Variants in CTNNA2 observed in about 807,000 individuals in gnomAD.
The protein encoded by CTNNA2 is catenin alpha-2.
A neutral mutation model predicts 101.0 loss-of-function variants in CTNNA2; 42 were observed. That is an observed-to-expected ratio of 0.42 (90% CI 0.32 to 0.54). The LOEUF (loss-of-function observed/expected upper bound fraction) is 0.54. Among genes scored for constraint, CTNNA2 ranks in the 20% least tolerant of loss-of-function variants. The pLI, the probability that CTNNA2 is intolerant of heterozygous loss-of-function variation, is 0.14. For synonymous variants in CTNNA2, 450 were observed against 456.4 expected, an observed-to-expected ratio of 0.99 and a Z score of 0.18; for missense variants, 871 against 1,223.1, an observed-to-expected ratio of 0.71 and a Z score of 4.29.
intron 3 of CTNNA2, among the ~76,000 whole-genome samples, chr2:79,772,734 TA>T (rs201901720): frequency 6.6e-6 from 1 of 151,796 alleles, no homozygotes; most frequent in Non-Finnish European, 1.5e-5. Flanking sequence ...CCTGGCTATT[TA>T]AAAAAAATGT....
intron 7 of CTNNA2, among the ~76,000 whole-genome samples, chr2:80,216,594 A>C (rs1346761139): frequency 1.3e-5 from 2 of 152,086 alleles, no homozygotes; most frequent in Non-Finnish European, 2.9e-5. Flanking sequence ...TCTTTTTACC[A>C]TGTGAGGATA....
chr2:79,224,615 A>G (rs1306958321), intron 2 of CTNNA2, among the ~76,000 whole-genome samples: 1 of 152,022 alleles, frequency 6.6e-6, no homozygotes, highest in East Asian at 1.9e-4. Flanking sequence ...AATGACATGC[A>G]TGCATGCATG....
At chr2:80,372,685 T>TG (rs1675558314) in intron 7 of CTNNA2, among the ~76,000 whole-genome samples, 1 of 151,504 alleles carries the variant, frequency 6.6e-6, no homozygotes, top group African/African-American at 2.4e-5. Context: ...AAAACAGCTT[T>TG]TTTTTTTTTT....
intron 2 of CTNNA2, chr2:79,293,424 G>C (rs1026003529): frequency 2.0e-5 from 3 of 152,140 alleles, no homozygotes; most frequent in Non-Finnish European, 4.4e-5. Flanking sequence ...ACAGTTTGGT[G>C]CTCAGAAAAT....
intron 7 of CTNNA2, among the ~76,000 whole-genome samples, chr2:80,147,016 A>G (rs2148920685): frequency 6.6e-6 from 1 of 151,096 alleles, no homozygotes; most frequent in Non-Finnish European, 1.5e-5. Context: ...CCCAGGCTGG[A>G]GTGCAGTGGT....
intron 7 of CTNNA2, among the ~76,000 whole-genome samples, chr2:80,020,065 C>G (rs902033743): frequency 6.6e-6 from 1 of 152,108 alleles, no homozygotes; most frequent in Non-Finnish European, 1.5e-5. Flanking sequence ...TAGAAATTAG[C>G]CAGGTGCACC....
chr2:80,138,607 C>A (rs551180373), intron 7 of CTNNA2, among the ~76,000 whole-genome samples: 57 of 152,188 alleles, frequency 3.7e-4, no homozygotes, highest in South Asian at 1.0e-3. Context: ...ACAGGGCTGG[C>A]ACATGATATG....
chr2:79,844,253 TA>T (rs1418836983), intron 3 of CTNNA2, among the ~76,000 whole-genome samples: 1 of 152,198 alleles, frequency 6.6e-6, no homozygotes, highest in Non-Finnish European at 1.5e-5. Context: ...ATTGAATTGT[TA>T]ATACACCAAA....
intron 2 of CTNNA2, among the ~76,000 whole-genome samples, chr2:79,228,381 G>T (rs529204069): frequency 1.1e-3 from 164 of 152,310 alleles, no homozygotes; most frequent in African/African-American, 3.6e-3. Context: ...CAGTGTAAAC[G>T]CATTCCCTTC....
At chr2:79,669,940 G>A (rs575137464) in intron 2 of CTNNA2, among the ~76,000 whole-genome samples, 1 of 152,288 alleles carries the variant, frequency 6.6e-6, no homozygotes, top group South Asian at 2.1e-4. Flanking sequence ...CAGCCATTCC[G>A]TGGCCTGTGG....
intron 2 of CTNNA2, among the ~76,000 whole-genome samples, chr2:79,261,526 A>G (rs1252943857): frequency 6.6e-6 from 1 of 152,208 alleles, no homozygotes; most frequent in African/African-American, 2.4e-5. Flanking sequence ...GTCCAAGATC[A>G]AGGTGCCAGG....
chr2:79,949,671 G>A (rs924976925), intron 7 of CTNNA2, among the ~76,000 whole-genome samples: 12 of 152,060 alleles, frequency 7.9e-5, no homozygotes, highest in African/African-American at 2.9e-4. Context: ...ACAGCTATTT[G>A]GGAAGCTGAA....
At chr2:80,541,631 G>A (rs1026101565) in intron 9 of CTNNA2, among the ~76,000 whole-genome samples, 23 of 152,016 alleles carry the variant, frequency 1.5e-4, no homozygotes, top group African/African-American at 5.6e-4. Flanking sequence ...CCACAGGGTC[G>A]ACTTCTGCCA....
At chr2:79,841,666 A>G (rs985020607) in intron 3 of CTNNA2, among the ~76,000 whole-genome samples, 2 of 152,218 alleles carry the variant, frequency 1.3e-5, no homozygotes, top group African/African-American at 4.8e-5. Flanking sequence ...TCTTTAGGAA[A>G]GCAATGTGTG....
At chr2:79,506,513 ACTCAGAAC>A (rs1050852067) in intron 5 of CTNNA2, among the ~76,000 whole-genome samples, 1 of 152,112 alleles carries the variant, frequency 6.6e-6, no homozygotes, top group African/African-American at 2.4e-5. Flanking sequence ...CAATAATTAT[ACTCAGAAC>A]CTCAAAATTA....
intron 3 of CTNNA2, among the ~76,000 whole-genome samples, chr2:79,808,550 G>T (rs1388243529): frequency 6.6e-6 from 1 of 152,100 alleles, no homozygotes; most frequent in Non-Finnish European, 1.5e-5. Flanking sequence ...CTTTGAAAGA[G>T]AATACTTTTT....
chr2:80,189,856 G>A (rs1348730), intron 7 of CTNNA2, among the ~76,000 whole-genome samples: 64,825 of 151,912 alleles, frequency 0.43, 14,998 homozygotes, highest in Non-Finnish European at 0.53. Context: ...TATTTAGGAA[G>A]CATTTGTACT....
intron 7 of CTNNA2, among the ~76,000 whole-genome samples, chr2:80,365,832 C>T (rs1336516392): frequency 2.0e-5 from 3 of 152,126 alleles, no homozygotes; most frequent in African/African-American, 7.2e-5. Flanking sequence ...AACAATTTCC[C>T]CCTACAGTAG....
intron 7 of CTNNA2, among the ~76,000 whole-genome samples, chr2:80,347,120 A>G (rs1410226992): frequency 6.9e-6 from 1 of 144,568 alleles, no homozygotes; most frequent in African/African-American, 2.8e-5. Context: ...GCTTTGTGCT[A>G]TATAGCAATC....
Sources: gnomAD v4.1 joint callset for allele counts (sites outside exome capture counted in the v4.1 genomes callset) on GRCh38, gnomAD v4.1.1 for gene constraint, MANE v1.5 for transcripts, NCBI Gene and HGNC (gene_info 2026-07-23, HGNC 2026-07-21) for gene names.